Variants in MAGI1 observed in about 807,000 individuals in gnomAD.
MAGI1 encodes membrane-associated guanylate kinase, WW and PDZ domain-containing protein 1.
MAGI1 carries 58 observed loss-of-function variants against 139.9 expected under a neutral mutation model. The observed-to-expected ratio is 0.41, with a 90% confidence interval of 0.34 to 0.52. MAGI1 has a LOEUF of 0.52. MAGI1 is among the 20% of genes least tolerant of loss of function. MAGI1 has a pLI of 0.12. For synonymous variants in MAGI1, 812 were observed against 737.9 expected, an observed-to-expected ratio of 1.10 and a Z score of -1.63; for missense variants, 1,874 against 1,901.6, an observed-to-expected ratio of 0.99 and a Z score of 0.27.
intron 1 of MAGI1, among the ~76,000 whole-genome samples, chr3:65,990,433 G>C (rs1402191354): frequency 6.6e-6 from 1 of 152,160 alleles, no homozygotes; most frequent in Admixed American, 6.6e-5. Context: ...TGACCCTCTG[G>C]TAAGGGAGAC....
chr3:65,700,258 A>G (rs1274343667), intron 1 of MAGI1, among the ~76,000 whole-genome samples: 2 of 152,116 alleles, frequency 1.3e-5, no homozygotes, highest in Non-Finnish European at 2.9e-5. Context: ...CCTGGCCAAC[A>G]TAGTGAAATC....
intron 1 of MAGI1, among the ~76,000 whole-genome samples, chr3:65,840,551 G>A (rs1387970835): frequency 6.6e-6 from 1 of 152,090 alleles, no homozygotes; most frequent in East Asian, 1.9e-4. Flanking sequence ...CTGTCAATAA[G>A]GTGAATTACC....
At position 65,577,472 on chromosome 3, in the gene MAGI1, T is replaced by G. The variant is rs116050515; in HGVS notation, c.430+44500A>C. On this transcript the variant is annotated intron_variant, in intron 2 of 22. Transcript: ENST00000402939. ...GATTAAAAAATATTACATTAAAATA[T>G]TATTTATCCTCATTACTGAGGTTTC... Among the ~76,000 whole-genome samples, 816 of 152,294 alleles carry G rather than the reference T, an allele frequency of 5.4e-3. 8 individuals carry two copies. The highest frequency in any genetic ancestry group is 0.019 in the African/African-American group (786 of 41,566).
chr3:65,643,343 A>G (rs2085083492), intron 1 of MAGI1, among the ~76,000 whole-genome samples: 1 of 152,234 alleles, frequency 6.6e-6, no homozygotes, highest in Non-Finnish European at 1.5e-5. Flanking sequence ...TCTTGTTAGT[A>G]AGTGTTCTGG....
chr3:65,673,500 T>C (rs777795219), intron 1 of MAGI1, among the ~76,000 whole-genome samples: 12 of 152,202 alleles, frequency 7.9e-5, no homozygotes, highest in Non-Finnish European at 1.8e-4. Context: ...CTGGGGCATA[T>C]TACCTTGGAT....
At chr3:65,743,827 G>A (rs6805688) in intron 1 of MAGI1, among the ~76,000 whole-genome samples, 4,952 of 151,612 alleles carry the variant, frequency 0.033, 200 homozygotes, top group East Asian at 0.091. Context: ...TTTTGTGTTG[G>A]TTCTCAAGTC....
At chr3:65,877,359 T>C (rs1431901913) in intron 1 of MAGI1, among the ~76,000 whole-genome samples, 6 of 152,140 alleles carry the variant, frequency 3.9e-5, no homozygotes, top group Non-Finnish European at 8.8e-5. Flanking sequence ...TCTCAGGGCA[T>C]GGACTTATAC....
chr3:65,641,637 G>A (rs1402070540), intron 1 of MAGI1, among the ~76,000 whole-genome samples: 1 of 152,214 alleles, frequency 6.6e-6, no homozygotes, highest in Non-Finnish European at 1.5e-5. Context: ...GGTGCAGAGA[G>A]TGGTACGGGA....
At chr3:65,822,291 T>C (rs934334153) in intron 1 of MAGI1, among the ~76,000 whole-genome samples, 2 of 152,066 alleles carry the variant, frequency 1.3e-5, no homozygotes, top group African/African-American at 4.8e-5. Flanking sequence ...AATACCTAAA[T>C]CCAAGGCAGG....
At chr3:65,941,690 T>C (rs2063323091) in intron 1 of MAGI1, among the ~76,000 whole-genome samples, 1 of 152,114 alleles carries the variant, frequency 6.6e-6, no homozygotes, top group African/African-American at 2.4e-5. Flanking sequence ...GCTCTTGAGT[T>C]TGGCTTCTCT....
chr3:65,795,358 T>A (rs1039651961), intron 1 of MAGI1, among the ~76,000 whole-genome samples: 1 of 152,188 alleles, frequency 6.6e-6, no homozygotes, highest in African/African-American at 2.4e-5. Flanking sequence ...CAGCAATTTT[T>A]AAAAATGAAC....
At chr3:66,027,502 G>C (rs1226915856) in intron 1 of MAGI1, among the ~76,000 whole-genome samples, 1 of 152,000 alleles carries the variant, frequency 6.6e-6, no homozygotes, top group Non-Finnish European at 1.5e-5. Flanking sequence ...TGGAAACCTA[G>C]AGTAAGATTA....
intron 1 of MAGI1, among the ~76,000 whole-genome samples, chr3:65,967,450 G>A (rs2064808669): frequency 6.6e-6 from 1 of 152,006 alleles, no homozygotes; most frequent in East Asian, 1.9e-4. Context: ...TCCCCACCCC[G>A]ACCTGCCTCC....
chr3:65,734,840 G>C (rs1576937372), intron 1 of MAGI1, among the ~76,000 whole-genome samples: 2 of 145,754 alleles, frequency 1.4e-5, no homozygotes, highest in Admixed American at 1.4e-4. Flanking sequence ...GGGGAGGACA[G>C]AGAAGGAAAT....
intron 1 of MAGI1, among the ~76,000 whole-genome samples, chr3:65,982,108 G>C (rs2065613279): frequency 6.6e-6 from 1 of 152,222 alleles, no homozygotes; most frequent in Non-Finnish European, 1.5e-5. Flanking sequence ...AGTGAAGGAA[G>C]ATTTTTCCTG....
At chr3:65,800,252 C>T (rs545940235) in intron 1 of MAGI1, among the ~76,000 whole-genome samples, 4 of 152,244 alleles carry the variant, frequency 2.6e-5, no homozygotes, top group Non-Finnish European at 4.4e-5. Flanking sequence ...TCTTTTTCTT[C>T]TTCATCATTA....
At chr3:65,587,154 C>T in intron 2 of MAGI1, among the ~76,000 whole-genome samples, 1 of 152,074 alleles carries the variant, frequency 6.6e-6, no homozygotes, top group East Asian at 1.9e-4. Context: ...TTTCTTAATG[C>T]CATTGGGATA....
chr3:65,424,313 C>T (rs898465736), intron 12 of MAGI1, among the ~76,000 whole-genome samples: 1 of 151,874 alleles, frequency 6.6e-6, no homozygotes. Flanking sequence ...ATTAATCTTC[C>T]ATTGTGACTG....
chr3:65,877,876 G>A (rs568370577), intron 1 of MAGI1, among the ~76,000 whole-genome samples: 13 of 152,198 alleles, frequency 8.5e-5, no homozygotes, highest in Admixed American at 4.6e-4. Flanking sequence ...GGAAGTCAAG[G>A]TAGGAGGACT....
Sources: gnomAD v4.1 joint callset for allele counts (sites outside exome capture counted in the v4.1 genomes callset) on GRCh38, gnomAD v4.1.1 for gene constraint, MANE v1.5 for transcripts, NCBI Gene and HGNC (gene_info 2026-07-23, HGNC 2026-07-21) for gene names.